Variants in SCHIP1 observed in about 807,000 individuals in gnomAD.
SCHIP1 encodes the protein schwannomin interacting protein 1.
In SCHIP1, 8 loss-of-function variants were observed where a neutral mutation model predicts 29.7. The ratio of observed to expected loss-of-function variants is 0.27; its 90% CI spans 0.16 to 0.49. The LOEUF is 0.49. SCHIP1 is among the 20% of genes least tolerant of loss of function. The probability of loss-of-function intolerance (pLI) is 0.99; values close to 1 mark genes in which losing one functional copy is unlikely to be tolerated. For missense variants in SCHIP1, 193 were observed against 294.6 expected, an observed-to-expected ratio of 0.66 and a Z score of 2.52; for synonymous variants, 76 against 94.9, an observed-to-expected ratio of 0.80 and a Z score of 1.16.
the SCHIP1 span, among the ~76,000 whole-genome samples, chr3:159,522,717 A>C: frequency 6.6e-6 from 1 of 152,114 alleles, no homozygotes; most frequent in Non-Finnish European, 1.5e-5. Flanking sequence ...AAAAATACAA[A>C]AATTAGCCGG....
At chr3:159,477,645 G>A in the SCHIP1 span, among the ~76,000 whole-genome samples, 1 of 151,996 alleles carries the variant, frequency 6.6e-6, no homozygotes, top group African/African-American at 2.4e-5. Flanking sequence ...TTTTCTTCTT[G>A]CTATTGAATT....
chr3:159,551,552 G>A, the SCHIP1 span, among the ~76,000 whole-genome samples: 20 of 152,154 alleles, frequency 1.3e-4, 1 homozygote, highest in South Asian at 6.2e-4. Flanking sequence ...TTATTTCACT[G>A]GTAACATTTG....
At chr3:159,760,925 C>T in the SCHIP1 span, among the ~76,000 whole-genome samples, 1 of 152,192 alleles carries the variant, frequency 6.6e-6, no homozygotes, top group Non-Finnish European at 1.5e-5. Flanking sequence ...AACCTCAATA[C>T]AGTGCATAAG....
At chr3:159,749,470 T>C in the SCHIP1 span, among the ~76,000 whole-genome samples, 50,644 of 152,106 alleles carry the variant, frequency 0.33, 10,140 homozygotes, top group Middle Eastern at 0.47. Flanking sequence ...GAGGTTTCCA[T>C]TGGGAAACAC....
chr3:159,343,824 GTA>G, the SCHIP1 span, among the ~76,000 whole-genome samples: 2 of 152,118 alleles, frequency 1.3e-5, no homozygotes, highest in African/African-American at 4.8e-5. Flanking sequence ...ACGTCAGTGT[GTA>G]TATATATCTC....
the SCHIP1 span, among the ~76,000 whole-genome samples, chr3:159,808,962 A>G: frequency 6.8e-6 from 1 of 147,800 alleles, no homozygotes; most frequent in Non-Finnish European, 1.5e-5. Flanking sequence ...CGTCTCAAAA[A>G]AAAAGAAACT....
At chr3:159,628,693 A>G in the SCHIP1 span, among the ~76,000 whole-genome samples, 1 of 152,180 alleles carries the variant, frequency 6.6e-6, no homozygotes, top group Non-Finnish European at 1.5e-5. Flanking sequence ...AAAAGCCAAC[A>G]ATACATGTAG....
the SCHIP1 span, among the ~76,000 whole-genome samples, chr3:159,449,995 G>A: frequency 1.1e-4 from 16 of 152,204 alleles, no homozygotes; most frequent in African/African-American, 3.6e-4. Flanking sequence ...GGGAGAGAAG[G>A]AGAGGGGAGA....
At chr3:159,383,590 G>A in the SCHIP1 span, among the ~76,000 whole-genome samples, 1 of 146,068 alleles carries the variant, frequency 6.8e-6, no homozygotes. Flanking sequence ...TGGCAATGCG[G>A]GCTCTTTTTT....
rs565418459 is a variant in SCHIP1 at position 159,875,908 on chromosome 3, C to T, written c.149+9627C>T. ...AGGAGCTTGAGGATAGCTTAGGCAA[C>T]ACAGCGAGAACCTGTCTCTAGAACA... On this transcript the variant is annotated intron_variant, in intron 2 of 6. Coordinates refer to ENST00000445224, the Ensembl canonical transcript of SCHIP1. Among the ~76,000 whole-genome samples, 7 of 152,238 alleles carry T rather than the reference C, an allele frequency of 4.6e-5. No homozygotes were observed. In the South Asian group the frequency reaches 1.5e-3, roughly 32 times the overall value.
chr3:159,887,886 A>T, exon 4 of SCHIP1: 2 of 1,614,036 alleles, frequency 1.2e-6, no homozygotes, highest in Non-Finnish European at 1.7e-6. Flanking sequence ...AACAGGAAAA[A>T]GTCTCCCGTC....
At chr3:159,671,506 C>G in the SCHIP1 span, among the ~76,000 whole-genome samples, 1 of 152,148 alleles carries the variant, frequency 6.6e-6, no homozygotes, top group South Asian at 2.1e-4. Flanking sequence ...TCTCATAAAC[C>G]CAAGAGTGCA....
the SCHIP1 span, among the ~76,000 whole-genome samples, chr3:159,325,990 G>A: frequency 3.3e-5 from 5 of 152,152 alleles, no homozygotes; most frequent in South Asian, 1.0e-3. Flanking sequence ...CACTTGTAAT[G>A]TGCCACACAT....
the SCHIP1 span, among the ~76,000 whole-genome samples, chr3:159,301,438 C>T: frequency 6.6e-6 from 1 of 152,126 alleles, no homozygotes; most frequent in Non-Finnish European, 1.5e-5. Flanking sequence ...TCTTCAAACA[C>T]TTGAGGAGTG....
chr3:159,362,665 G>A, the SCHIP1 span, among the ~76,000 whole-genome samples: 1 of 152,110 alleles, frequency 6.6e-6, no homozygotes, highest in African/African-American at 2.4e-5. Flanking sequence ...TCAGGCCCAG[G>A]AATAGCTGCC....
the SCHIP1 span, among the ~76,000 whole-genome samples, chr3:159,338,849 C>G: frequency 6.6e-6 from 1 of 152,104 alleles, no homozygotes; most frequent in African/African-American, 2.4e-5. Flanking sequence ...AAAGGCTGTG[C>G]TTGAGGAATC....
intron 1 of SCHIP1, among the ~76,000 whole-genome samples, chr3:159,853,839 G>C (rs59282676): frequency 0.15 from 22,981 of 152,084 alleles, 1,841 homozygotes; most frequent in East Asian, 0.22. Context: ...TTTTTTGTTT[G>C]ATTTTATTGG....
At chr3:159,735,937 C>T in the SCHIP1 span, among the ~76,000 whole-genome samples, 4 of 151,858 alleles carry the variant, frequency 2.6e-5, no homozygotes, top group South Asian at 2.1e-4. Context: ...GTCTGAGCCT[C>T]GATCTATGGC....
intron 2 of SCHIP1, among the ~76,000 whole-genome samples, chr3:159,869,456 A>G (rs1038587399): frequency 1.3e-5 from 2 of 151,934 alleles, no homozygotes; most frequent in Non-Finnish European, 2.9e-5. Context: ...TTCCTTATAT[A>G]TGACCATTTT....
Sources: gnomAD v4.1 joint callset for allele counts (sites outside exome capture counted in the v4.1 genomes callset) on GRCh38, gnomAD v4.1.1 for gene constraint, MANE v1.5 for transcripts, NCBI Gene and HGNC (gene_info 2026-07-23, HGNC 2026-07-21) for gene names.